The following CLCN4 variants were observed in gnomAD, a reference collection of about 807,000 sequenced individuals.
CLCN4 encodes Cl-/H+ antiporter 4.
A neutral mutation model predicts 41.7 loss-of-function variants in CLCN4; 1 was observed. The observed-to-expected ratio is 0.02, with a 90% CI of 0.01 to 0.11. CLCN4 has a LOEUF of 0.11. CLCN4 is among the 10% of genes least tolerant of loss of function. The probability of loss-of-function intolerance (pLI) is 1.00; values close to 1 mark genes in which losing one functional copy is unlikely to be tolerated. For missense variants in CLCN4, 287 were observed against 661.0 expected (o/e 0.43, Z 6.20); for synonymous variants, 277 against 285.8 (o/e 0.97, Z 0.31).
intron 4 of CLCN4, among the ~76,000 whole-genome samples, chrX:10,190,015 C>T (rs1054156368): frequency 7.7e-4 from 85 of 110,689 alleles, no homozygotes; most frequent in African/African-American, 2.7e-3. Context: ...TCTGTGGAGT[C>T]CAAAAAAATA....
At chrX:10,229,604 C>T (rs1925076326) in intron 12 of CLCN4, among the ~76,000 whole-genome samples, 1 of 101,846 alleles carries the variant, frequency 9.8e-6, no homozygotes, top group African/African-American at 3.6e-5. Flanking sequence ...TCCATGTGTT[C>T]TCATTGTTCA....
chrX:10,183,598 T>C (rs1923739128), intron 2 of CLCN4, among the ~76,000 whole-genome samples: 1 of 112,183 alleles, frequency 8.9e-6, no homozygotes, highest in Non-Finnish European at 1.9e-5. Flanking sequence ...AAGACTGTAT[T>C]CTTTTTTCTG....
rs867506921 is a variant in CLCN4, at chrX:10,208,121, C to A, written c.920C>A (p.Ser307Tyr). 8.3e-7 allele frequency: 1 copy of A among 1,209,673 alleles called. No homozygotes were observed. Among genetic ancestry groups the A allele is most frequent in the African/African-American group, 1.7e-5 (1 of 57,162 alleles). The change falls in exon 9 of 13, where the codon TCC becomes TAC. Residue 307 changes from serine (S) to tyrosine (Y), a missense_variant. Physicochemically the swap from Ser to Tyr is moderately radical, Grantham distance 144. This residue lies in a region of CLCN4 where 8 missense variants were observed against 51.0 expected (regional missense o/e 0.16). Transcript: ENST00000380833. ...CTGGTGGCGGCCTTTACGCTGAGAT[C>A]CATCAATCCCTTTGGGAATAGCCGT... ...AALVAAFTLR[S>Y]INPFGNSRLV... is the part of the protein sequence containing the mutation.
At chrX:10,202,831 A>G (rs1924276873) in intron 6 of CLCN4, among the ~76,000 whole-genome samples, 1 of 110,635 alleles carries the variant, frequency 9.0e-6, no homozygotes, top group Non-Finnish European at 1.9e-5. Flanking sequence ...GTTTCAGTTT[A>G]TTAAAAAACA....
chrX:10,211,107 A>G (rs143332696), intron 9 of CLCN4, among the ~76,000 whole-genome samples: 1 of 106,200 alleles, frequency 9.4e-6, no homozygotes, highest in Admixed American at 1.0e-4. Flanking sequence ...TTCTTCTAAA[A>G]ATACAAAAAT....
At chrX:10,204,327 T>C (rs1430885141) in intron 6 of CLCN4, among the ~76,000 whole-genome samples, 1 of 111,508 alleles carries the variant, frequency 9.0e-6, no homozygotes, top group East Asian at 2.8e-4. Context: ...TAAAAGAGGG[T>C]AGGATTTGAT....
At position 10,175,530 on chromosome X, in the gene CLCN4, G is replaced by C. The variant is rs1367750145; in HGVS notation, c.-11-9492G>C. ...AAGCAGCTCGGTAAAGGCTGCTTGT[G>C]ATGAGTCACTGGGGCTCCTGGAAAA... is the stretch of plus-strand genomic sequence containing the variant. On this transcript the variant is annotated intron_variant, in intron 2 of 12. Coordinates refer to ENST00000380833, the MANE Select transcript of CLCN4 (RefSeq NM_001830.4). 3.6e-5 allele frequency among the ~76,000 whole-genome samples: 4 copies of C among 111,752 alleles called. No homozygotes were observed. The East Asian group carries it at 1.1e-3, about 31-fold the overall frequency.
At chrX:10,197,735 C>T (rs1033335789) in intron 5 of CLCN4, among the ~76,000 whole-genome samples, 2 of 111,556 alleles carry the variant, frequency 1.8e-5, no homozygotes, top group African/African-American at 3.3e-5. Flanking sequence ...GAGAAACACC[C>T]GCTGCTCTGT....
At chrX:10,184,135 C>T (rs5934804) in intron 2 of CLCN4, among the ~76,000 whole-genome samples, 29,902 of 111,741 alleles carry the variant, frequency 0.27, 3,186 homozygotes, top group African/African-American at 0.4. Context: ...CTTTGTCTCC[C>T]ATAGGAACCA....
intron 4 of CLCN4, 66 bp downstream of exon 4, chrX:10,187,680 C>A (rs904616900): frequency 9.9e-5 from 84 of 850,263 alleles, no homozygotes; most frequent in Non-Finnish European, 1.4e-4. Context: ...AAACACGAAC[C>A]CTCTGGGAGA....
intron 12 of CLCN4, among the ~76,000 whole-genome samples, chrX:10,226,060 C>T (rs779348445): frequency 9.1e-6 from 1 of 110,313 alleles, no homozygotes; most frequent in Admixed American, 9.6e-5. Context: ...GCTATATGGA[C>T]TCTCCACCTC....
chrX:10,162,170 C>G (rs1296963432), intron 2 of CLCN4, among the ~76,000 whole-genome samples: 3 of 110,512 alleles, frequency 2.7e-5, no homozygotes, highest in African/African-American at 9.9e-5. Flanking sequence ...AGGGACACGC[C>G]ACCACGGCTG....
intron 5 of CLCN4, 93 bp downstream of exon 5, chrX:10,195,191 C>T: frequency 1.1e-6 from 1 of 902,565 alleles, no homozygotes; most frequent in East Asian, 3.1e-5. Flanking sequence ...TCTGTGATTT[C>T]ACCTTCAAGT....
intron 6 of CLCN4, among the ~76,000 whole-genome samples, chrX:10,198,859 C>T (rs1261891289): frequency 8.9e-6 from 1 of 112,022 alleles, no homozygotes; most frequent in African/African-American, 3.3e-5. Flanking sequence ...GTTCAGTTCT[C>T]CTTTGGGTTG....
At position 10,169,279 on chromosome X, in the gene CLCN4, C is replaced by T. The variant is rs188381916; in HGVS notation, c.-12+10728C>T. On this transcript the variant is annotated intron_variant, in intron 2 of 12. Transcript: ENST00000380833. The stretch of plus-strand genomic sequence containing the variant: ...TTTCCCTCTCAAGCTGTCACCTCCT[C>T]CACTTGGATAAAAACAGTGAAGGAT... Among the ~76,000 whole-genome samples, 383 of 111,957 alleles carry T rather than the reference C, an allele frequency of 3.4e-3. 3 individuals are homozygous for T. The highest frequency in any genetic ancestry group is 0.012 in the African/African-American group (356 of 30,801).
At position 10,220,762 on chromosome X, in the gene CLCN4, C is replaced by A; in HGVS notation, c.2077C>A (p.Leu693Met). 8.3e-7 allele frequency: 1 copy of A among 1,211,569 alleles called. No homozygotes were observed. Among genetic ancestry groups the A allele is most frequent in the Non-Finnish European group, 1.1e-6 (1 of 895,160 alleles). ...GGCCAACAGCCCACATCCCCTGAAG[C>A]TGCGGCGCATCCTGAACCTCAGCCC... ...LPANSPHPLK[L>M]RRILNLSPFT... The change falls in exon 12 of 13, where the codon CTG (leucine) becomes ATG (methionine). Residue 693 changes from leucine (L) to methionine (M), a missense_variant. By Grantham distance (15) the Leu-to-Met change is conservative. This residue lies in a region of CLCN4 where 71 missense variants were observed against 104.5 expected (regional missense o/e 0.68). Transcript: ENST00000380833.
chrX:10,158,188 C>T (rs1274503826), intron 1 of CLCN4, 101 bp from the exon 2 acceptor site: 6 of 269,871 alleles, frequency 2.2e-5, no homozygotes, highest in Non-Finnish European at 3.3e-5. Flanking sequence ...CACTGTAATC[C>T]CTTTATTGCT....
chrX:10,208,339 A>T lies in CLCN4; in HGVS notation c.1138A>T (p.Thr380Ser). 1 of 1,210,880 alleles carries T rather than the reference A, an allele frequency of 8.3e-7. No homozygotes were observed. Among genetic ancestry groups the T allele is most frequent in the South Asian group, 1.8e-5 (1 of 56,925 alleles). ...VLEVIVVTAI[T>S]AIIAYPNPYT... ...GGAGGTCATTGTGGTGACTGCCATC[A>T]CTGCCATCATTGCCTACCCCAATCC... The change falls in exon 9 of 13, where the codon ACT (threonine) becomes TCT (serine). Residue 380 changes from threonine to serine, a missense_variant. Physicochemically the swap from Thr to Ser is moderately conservative, Grantham distance 58 (BLOSUM62 1). Transcript: ENST00000380833.
intron 9 of CLCN4, among the ~76,000 whole-genome samples, chrX:10,210,956 C>CTTT (rs779318421): frequency 2.3e-5 from 2 of 86,598 alleles, no homozygotes; most frequent in African/African-American, 8.5e-5. Flanking sequence ...CCTGAATTGT[C>CTTT]TTTTTTTTTT....
Sources: allele counts gnomAD v4.1 joint callset (sites outside exome capture counted in the v4.1 genomes callset), GRCh38; gene constraint gnomAD v4.1.1; regional missense constraint gnomAD v4.1.1; transcripts MANE v1.5; gene names NCBI Gene and HGNC (gene_info 2026-07-23, HGNC 2026-07-21).